Variants in SNX25 observed in about 807,000 individuals in gnomAD.
SNX25 encodes sorting nexin-25.
Under a neutral mutation model 113.7 loss-of-function variants are expected in SNX25, and 62 were observed. The observed-to-expected ratio is 0.55, with a 90% CI of 0.44 to 0.67. The LOEUF (loss-of-function observed/expected upper bound fraction) is 0.67. SNX25 is among the 30% of genes least tolerant of loss of function. The probability of loss-of-function intolerance (pLI) is 0.00; values close to 1 mark genes in which losing one functional copy is unlikely to be tolerated. For missense variants in SNX25, 1,014 were observed against 1,161.0 expected, an observed-to-expected ratio of 0.87 and a Z score of 1.84; for synonymous variants, 421 against 436.2, an observed-to-expected ratio of 0.97 and a Z score of 0.43.
intron 1 of SNX25, among the ~76,000 whole-genome samples, chr4:185,237,780 C>T (rs1295050020): frequency 3.3e-5 from 5 of 151,620 alleles, no homozygotes; most frequent in Non-Finnish European, 7.4e-5. Flanking sequence ...AAAATCAGGC[C>T]GGGTATGGTT....
chr4:185,240,377 C>T (rs1446881762), intron 1 of SNX25, among the ~76,000 whole-genome samples: 50 of 150,488 alleles, frequency 3.3e-4, no homozygotes, highest in African/African-American at 1.0e-3. Context: ...CCGGACGGGG[C>T]GGCTGGCCGG....
At chr4:185,222,778 G>A (rs1181962117) in intron 1 of SNX25, among the ~76,000 whole-genome samples, 2 of 152,230 alleles carry the variant, frequency 1.3e-5, no homozygotes, top group African/African-American at 4.8e-5. Flanking sequence ...TAGGCATGAA[G>A]AGAATGGATT....
At position 185,288,052 on chromosome 4, in the gene SNX25, A is replaced by G. The variant is rs1751590596; in HGVS notation, c.1132A>G (p.Ser378Gly). The change falls in exon 6 of 19, where the codon AGC (serine) becomes GGC (glycine). Residue 378 changes from serine to glycine, a missense_variant. Ser to Gly is a moderately conservative substitution (Grantham distance 56). Coordinates refer to ENST00000652585, the MANE Select transcript of SNX25 (RefSeq NM_001378034.2). ...GGAAATAATCCAGGCGACTACAATT[A>G]GCAGCTTTCCCCAACTGAAGAGGCA... ...VVEIIQATTI[S>G]SFPQLKRHKG... 2 of 1,613,664 alleles carry G rather than the reference A, an allele frequency of 1.2e-6. No homozygotes were observed. Among genetic ancestry groups the G allele is most frequent in the South Asian group, 1.1e-5 (1 of 90,948 alleles).
intron 17 of SNX25, 181 bp from the exon 18 acceptor site, chr4:185,362,430 T>G: frequency 1.2e-6 from 1 of 858,874 alleles, no homozygotes; most frequent in South Asian, 5.4e-5. Context: ...TTGTAATTTG[T>G]ATAAGTGCCT....
chr4:185,281,673 C>T (rs1195109124), intron 5 of SNX25, among the ~76,000 whole-genome samples: 1 of 152,128 alleles, frequency 6.6e-6, no homozygotes, highest in Non-Finnish European at 1.5e-5. Flanking sequence ...AACTGAAGTC[C>T]CTCTAACAAA....
chr4:185,261,087 G>A (rs1017355003), intron 3 of SNX25, among the ~76,000 whole-genome samples: 1 of 150,078 alleles, frequency 6.7e-6, no homozygotes, highest in Non-Finnish European at 1.5e-5. Context: ...TAAGAGGACA[G>A]TATTCTGTCT....
intron 1 of SNX25, among the ~76,000 whole-genome samples, chr4:185,211,037 C>G (rs1043246754): frequency 6.6e-6 from 1 of 152,212 alleles, no homozygotes; most frequent in African/African-American, 2.4e-5. Context: ...CCCAGCTTAA[C>G]ACTCACTGCT....
At chr4:185,370,476 A>G (rs2293368), downstream of SNX25, among the ~76,000 whole-genome samples, 893 of 152,316 alleles carry the variant, frequency 5.9e-3, 14 homozygotes, top group South Asian at 0.052. Context: ...ATTCTGACAG[A>G]ATTGTCTGCA....
intron 2 of SNX25, among the ~76,000 whole-genome samples, chr4:185,251,883 T>G (rs1323207668): frequency 1.3e-5 from 2 of 152,158 alleles, no homozygotes; most frequent in Non-Finnish European, 2.9e-5. Context: ...GAAGCTAATT[T>G]CTATTCAGTG....
At chr4:185,369,095 T>G (rs922978802) in intron 11 of SNX25, among the ~76,000 whole-genome samples, 1 of 149,918 alleles carries the variant, frequency 6.7e-6, no homozygotes, top group African/African-American at 2.5e-5. Context: ...TACCTGGACT[T>G]TTTTTGTTGT....
intron 10 of SNX25, among the ~76,000 whole-genome samples, chr4:185,338,102 A>G (rs1260512060): frequency 1.3e-5 from 2 of 152,148 alleles, no homozygotes; most frequent in African/African-American, 4.8e-5. Context: ...GATTTTTTAA[A>G]TATTTCGTGG....
intron 2 of SNX25, among the ~76,000 whole-genome samples, chr4:185,255,008 C>T (rs1425253150): frequency 1.3e-5 from 2 of 151,710 alleles, no homozygotes; most frequent in Non-Finnish European, 2.9e-5. Context: ...TTTATGGTTA[C>T]GAATTTCTCT....
At chr4:185,354,880 A>G (rs1269949375) in intron 15 of SNX25, among the ~76,000 whole-genome samples, 1 of 152,232 alleles carries the variant, frequency 6.6e-6, no homozygotes, top group Non-Finnish European at 1.5e-5. Context: ...TCGAAGAGGA[A>G]GCAAATGAGA....
chr4:185,355,805 T>C (rs2095336230), intron 15 of SNX25, among the ~76,000 whole-genome samples: 1 of 152,210 alleles, frequency 6.6e-6, no homozygotes. Flanking sequence ...CATTAAATCA[T>C]GAGTCTCCCC....
intron 9 of SNX25, among the ~76,000 whole-genome samples, chr4:185,331,809 A>G (rs2095197396): frequency 6.6e-6 from 1 of 152,130 alleles, no homozygotes; most frequent in African/African-American, 2.4e-5. Context: ...ACCCATGACA[A>G]CAGCCTATTT....
downstream of SNX25, among the ~76,000 whole-genome samples, chr4:185,368,884 T>C (rs759211354): frequency 5.3e-5 from 8 of 150,830 alleles, no homozygotes; most frequent in Non-Finnish European, 1.0e-4. Flanking sequence ...GCCTCCTCCT[T>C]GCAGGTTCAA....
chr4:185,255,150 T>C (rs891406386), intron 2 of SNX25, among the ~76,000 whole-genome samples: 3 of 152,100 alleles, frequency 2.0e-5, no homozygotes, highest in African/African-American at 7.2e-5. Context: ...ATTTTTTTTT[T>C]TGAGACAGAG....
In SNX25 at chr4:185,269,862, T is replaced by G. The variant is rs553943770; in HGVS notation, c.1091+2707T>G. Among the ~76,000 whole-genome samples the G allele has an allele frequency of 6.6e-5, 10 of 152,276 alleles. No homozygotes were observed. In the South Asian group the frequency reaches 1.9e-3, roughly 28 times the overall value. On this transcript the variant is annotated intron_variant, in intron 5 of 18. Transcript: ENST00000652585. The stretch of plus-strand genomic sequence containing the variant: ...GTAGCTGGGACTACAGGCGAGCTCC[T>G]GATTTTTTAAAAATCAGAACTAGTT...
chr4:185,282,149 A>G (rs1750686908), intron 5 of SNX25, among the ~76,000 whole-genome samples: 1 of 152,162 alleles, frequency 6.6e-6, no homozygotes, highest in Admixed American at 6.5e-5. Context: ...ACCTGAGACT[A>G]AGGTTTGGCC....
Sources: gnomAD v4.1 joint callset for allele counts (sites outside exome capture counted in the v4.1 genomes callset) on GRCh38, gnomAD v4.1.1 for gene constraint, MANE v1.5 for transcripts, NCBI Gene and HGNC (gene_info 2026-07-23, HGNC 2026-07-21) for gene names.